Variants in SLC2A5 observed in about 807,000 individuals in gnomAD.
SLC2A5 encodes solute carrier family 2 member 5.
Under a neutral mutation model 50.3 loss-of-function variants are expected in SLC2A5, and 56 were observed. The ratio of observed to expected loss-of-function variants is 1.11; its 90% confidence interval spans 0.90 to 1.39. The LOEUF is 1.39. Ranked by LOEUF, SLC2A5 falls within the 40% of genes most tolerant of loss-of-function variation. The pLI is 0.00. For synonymous variants in SLC2A5, 269 were observed against 281.9 expected (o/e 0.95, Z 0.46); for missense variants, 566 against 650.1 (o/e 0.87, Z 1.41).
chr1:9,040,199 A>G lies in SLC2A5; in HGVS notation c.572-10T>C, dbSNP rs918274281. On this transcript the variant is annotated splice_polypyrimidine_tract_variant and intron_variant, in intron 5 of 11. Coordinates refer to ENST00000377424, the MANE Select transcript of SLC2A5 (RefSeq NM_003039.3). This position sits in a 1 kb window ranked among gnomAD's most constrained non-coding sequence, Gnocchi z 4.3. ...AGCAGGATCGGCCAGCCTGGGAGGA[A>G]GGCAGCGAGCTGGCACCAGCGGCCT... 5.2e-6 allele frequency: 8 copies of G among 1,546,304 alleles called. No homozygotes were observed. The highest frequency in any genetic ancestry group is 7.0e-6 in the Non-Finnish European group (8 of 1,146,770).
At chr1:9,086,019 C>T (rs1018973731) in intron 1 of SLC2A5, among the ~76,000 whole-genome samples, 13 of 152,308 alleles carry the variant, frequency 8.5e-5, no homozygotes, top group Admixed American at 3.3e-4. Context: ...CTCCCAGGTC[C>T]TCTGTTGACT....
chr1:9,046,850 G>T (rs1641448153), intron 4 of SLC2A5, among the ~76,000 whole-genome samples: 2 of 152,042 alleles, frequency 1.3e-5, no homozygotes, highest in African/African-American at 2.4e-5. Context: ...ATCTCAAATT[G>T]TAATCCCCAT....
intron 1 of SLC2A5, among the ~76,000 whole-genome samples, chr1:9,064,248 T>G (rs556154781): frequency 1.2e-4 from 19 of 152,284 alleles, no homozygotes; most frequent in African/African-American, 4.1e-4. Flanking sequence ...CTTTCTTTCT[T>G]TTTTTGCTTT....
chr1:9,068,645 T>C (rs1642145078), intron 1 of SLC2A5, among the ~76,000 whole-genome samples: 1 of 151,932 alleles, frequency 6.6e-6, no homozygotes, highest in Non-Finnish European at 1.5e-5. Flanking sequence ...AGAGATGGGG[T>C]TTCACCATGT....
upstream of SLC2A5, among the ~76,000 whole-genome samples, chr1:9,070,894 G>A (rs538314472): frequency 1.3e-5 from 2 of 152,220 alleles, no homozygotes; most frequent in Admixed American, 1.3e-4. Flanking sequence ...GGAGAACTCA[G>A]CATTCCCTTT....
chr1:9,062,143 C>G (rs1043718962), intron 1 of SLC2A5, among the ~76,000 whole-genome samples: 1 of 152,158 alleles, frequency 6.6e-6, no homozygotes, highest in African/African-American at 2.4e-5. Flanking sequence ...GCATGACCAG[C>G]TAACTGGACT....
In SLC2A5 at chr1:9,063,798, C is replaced by A. The variant is rs1336351139; in HGVS notation, c.34-5548G>T. Among the ~76,000 whole-genome samples the A allele has an allele frequency of 3.7e-5, 5 of 134,372 alleles. 1 individual carries two copies. Among genetic ancestry groups the A allele is most frequent in the African/African-American group, 1.6e-4 (5 of 32,060 alleles). 88.2% of individuals were successfully genotyped at this position (134,372 alleles called of 152,430 possible). A position where few individuals can be genotyped will look rare whatever the true frequency, so the allele number is the denominator to read the frequency against. On this transcript the variant is annotated intron_variant, in intron 1 of 11. Transcript: ENST00000377424. The stretch of plus-strand genomic sequence containing the variant: ...GCAAGCTCCGCCTCCCGGGTTCACG[C>A]CATTCTCCTGCCTCAGCCTCCCGAG...
intron 3 of SLC2A5, among the ~76,000 whole-genome samples, chr1:9,053,374 A>ACTATATAT (rs1557670446): frequency 2.3e-5 from 2 of 87,640 alleles, no homozygotes; most frequent in African/African-American, 4.7e-5. Flanking sequence ...ATATTTATAT[A>ACTATATAT]TTATATATAT....
chr1:9,058,525 C>A (rs1268614771), intron 1 of SLC2A5, among the ~76,000 whole-genome samples: 1 of 152,166 alleles, frequency 6.6e-6, no homozygotes, highest in Non-Finnish European at 1.5e-5. Flanking sequence ...CCAGTAGCAC[C>A]CCTCTCCCCA....
In SLC2A5 at chr1:9,053,134, T is replaced by C. The variant is rs1256011059; in HGVS notation, c.293+4314A>G. On this transcript the variant is annotated intron_variant, in intron 3 of 11. Coordinates refer to ENST00000377424, the MANE Select transcript of SLC2A5 (RefSeq NM_003039.3). ...ATATATTATATATTTATATTACATA[T>C]ATTTATATGTTAATATATATTTTAT... is the stretch of plus-strand genomic sequence containing the variant. Among the ~76,000 whole-genome samples the C allele has an allele frequency of 2.8e-3, 290 of 103,712 alleles. 1 individual carries two copies. Among genetic ancestry groups the C allele is most frequent in the Non-Finnish European group, 4.2e-3 (244 of 57,520 alleles). 68.0% of individuals were successfully genotyped at this position (103,712 alleles called of 152,430 possible). A position where few individuals can be genotyped will look rare whatever the true frequency, so the allele number is the denominator to read the frequency against.
At chr1:9,051,996 C>A (rs555916531) in intron 3 of SLC2A5, among the ~76,000 whole-genome samples, 112 of 152,252 alleles carry the variant, frequency 7.4e-4, no homozygotes, top group Admixed American at 2.2e-3. Flanking sequence ...GTAAAAGAGG[C>A]CAATCTGGGC....
chr1:9,038,603 T>G, intron 9 of SLC2A5, 97 bp from the exon 10 acceptor site: 1 of 1,259,538 alleles, frequency 7.9e-7, no homozygotes, highest in Non-Finnish European at 1.1e-6. Context: ...GGATGGCACC[T>G]GGCTCCTCCC....
intron 1 of SLC2A5, among the ~76,000 whole-genome samples, chr1:9,059,536 C>CTTTTTTTTTTTTTTTTTTTTTTTT (rs58395185): frequency 1.0e-5 from 1 of 98,410 alleles, no homozygotes. Context: ...TACAGAGAAT[C>CTTTTTTTTTTTTTTTTTTTTTTTT]TTTTTTTTTT....
At chr1:9,066,226 A>G (rs1048798192) in intron 1 of SLC2A5, among the ~76,000 whole-genome samples, 3 of 152,086 alleles carry the variant, frequency 2.0e-5, no homozygotes, top group Non-Finnish European at 4.4e-5. Context: ...ACTTTATTCA[A>G]CAATCCTTTG....
rs373782918 is a variant in SLC2A5 at position 9,037,579 on chromosome 1, T to C, written c.*7A>G. 7.4e-5 allele frequency: 119 copies of C among 1,613,252 alleles called. No homozygotes were observed. The highest frequency in any genetic ancestry group is 6.2e-4 in the Admixed American group (37 of 59,994). On this transcript the variant is annotated 3_prime_UTR_variant, in exon 12 of 12. Transcript: ENST00000377424. The stretch of plus-strand genomic sequence containing the variant: ...GCAGACCAGCTCCACTGGCTTCCTC[T>C]CCAGAGTCACTGTTCCGAAGTGACA...
In SLC2A5 at chr1:9,039,611, G is replaced by A. The variant is rs1269626790; in HGVS notation, c.937C>T (p.His313Tyr). The A allele has an allele frequency of 1.9e-6, 3 of 1,573,546 alleles. No homozygotes were observed. The highest frequency in any genetic ancestry group is 2.6e-6 in the Non-Finnish European group (3 of 1,160,572). Residue 313 changes from histidine (H) to tyrosine (Y), a missense_variant, in exon 8 of 12, where the codon CAC becomes TAC. His to Tyr is a moderately conservative substitution (Grantham distance 83). Transcript: ENST00000377424. ...IYLSAGVPEE[H>Y]VQYVTAGTGA... ...GTGCCGGCCGTCACGTACTGCACGTGCTCCTCCGGCACGCCGGCGCTCAGG... is the reference window on the plus strand; with the variant it reads ...GTGCCGGCCGTCACGTACTGCACGTACTCCTCCGGCACGCCGGCGCTCAGG...
At position 9,037,659 on chromosome 1, in the gene SLC2A5, A is replaced by G. The variant is rs1641166762; in HGVS notation, c.1433T>C (p.Met478Thr). ...FIEINQIFTK[M>T]NKVSEVYPEK... Reference sequence around the variant, plus strand: ...CGGGTACACTTCAGACACCTTATTCATCTTGGTGAAAATCTGGTTGATCTC... The same window carrying G: ...CGGGTACACTTCAGACACCTTATTCGTCTTGGTGAAAATCTGGTTGATCTC... The change falls in exon 12 of 12, where the codon ATG (methionine) becomes ACG (threonine). Residue 478 changes from methionine (M) to threonine (T), a missense_variant. Met to Thr is a moderately conservative substitution (Grantham distance 81). Transcript: ENST00000377424. 2 of 1,614,072 alleles carry G rather than the reference A, an allele frequency of 1.2e-6. No homozygotes were observed. Among genetic ancestry groups the G allele is most frequent in the South Asian group, 1.1e-5 (1 of 91,068 alleles).
upstream of SLC2A5, among the ~76,000 whole-genome samples, chr1:9,074,064 C>T (rs1371354558): frequency 6.7e-6 from 1 of 150,022 alleles, no homozygotes; most frequent in East Asian, 2.0e-4. Flanking sequence ...TGGGTGACAG[C>T]GCAAAACTCC....
At position 9,042,530 on chromosome 1, in the gene SLC2A5, GGT is replaced by G. The variant is rs141094729; in HGVS notation, c.419-595_419-594del. Among the ~76,000 whole-genome samples, 58 of 146,998 alleles carry G rather than the reference GGT, an allele frequency of 3.9e-4. 1 individual carries two copies. The South Asian group carries it at 7.2e-3, about 18-fold the overall frequency. On this transcript the variant is annotated intron_variant, in intron 4 of 11. Transcript: ENST00000377424. ...GTGTATGTGTATATGGACATGGCCT[GGT>G]GTGTGTGTGTGTGTGTATATATATA...
Sources: allele counts gnomAD v4.1 joint callset (sites outside exome capture counted in the v4.1 genomes callset), GRCh38; gene constraint gnomAD v4.1.1; non-coding constraint Gnocchi (gnomAD v3.1); transcripts MANE v1.5; gene names NCBI Gene and HGNC (gene_info 2026-07-23, HGNC 2026-07-21).